The following MAP3K12 variants were observed in gnomAD, a reference collection of about 807,000 sequenced individuals.
MAP3K12 encodes mitogen-activated protein kinase kinase kinase 12.
MAP3K12 carries 14 observed loss-of-function variants against 87.5 expected under a neutral mutation model. The ratio of observed to expected loss-of-function variants is 0.16; its 90% CI spans 0.11 to 0.25. The LOEUF (loss-of-function observed/expected upper bound fraction) is 0.25. MAP3K12 is among the 10% of genes least tolerant of loss of function. The probability of loss-of-function intolerance (pLI) is 1.00; values close to 1 mark genes in which losing one functional copy is unlikely to be tolerated. For synonymous variants in MAP3K12, 469 were observed against 452.5 expected, an observed-to-expected ratio of 1.04 and a Z score of -0.46; for missense variants, 802 against 1,140.4, an observed-to-expected ratio of 0.70 and a Z score of 4.27.
chr12:53,491,070 T>C (rs561595553), intron 1 of MAP3K12, among the ~76,000 whole-genome samples: 1 of 151,518 alleles, frequency 6.6e-6, no homozygotes, highest in South Asian at 2.1e-4. Flanking sequence ...GGAGGATTGC[T>C]TGAGCTCAGG....
At chr12:53,485,675 C>T (rs893471372) in intron 4 of MAP3K12, 200 bp from the exon 5 acceptor site, 2 of 606,030 alleles carry the variant, frequency 3.3e-6, no homozygotes, top group Non-Finnish European at 5.7e-6. Flanking sequence ...CCTGCCTCAG[C>T]CTCCTGAGTA....
upstream of MAP3K12, chr12:53,500,293 C>G (rs1167693659): frequency 6.6e-6 from 1 of 152,140 alleles, no homozygotes; most frequent in Admixed American, 6.6e-5. Context: ...AAACAATGCG[C>G]GTCTGCTCAA....
chr12:53,491,287 C>CAAAAAAAAAAAAAAAAAAAA (rs780256956), intron 1 of MAP3K12, among the ~76,000 whole-genome samples: 1 of 52,858 alleles, frequency 1.9e-5, no homozygotes, highest in East Asian at 9.6e-4. Context: ...GACTCTGTCT[C>CAAAAAAAAAAAAAAAAAAAA]AAAAAAAAAA....
chr12:53,501,488 A>G, upstream of MAP3K12: 1 of 1,557,302 alleles, frequency 6.4e-7, no homozygotes, highest in Non-Finnish European at 8.7e-7. Flanking sequence ...CGATTCCTTC[A>G]GGGCGAAAAG....
chr12:53,501,325 T>A (rs1362001327), upstream of MAP3K12: 44 of 1,496,102 alleles, frequency 2.9e-5, no homozygotes, highest in Non-Finnish European at 3.8e-5. Context: ...ACTCCGGGCT[T>A]GGCCCCGGCC....
In MAP3K12 at chr12:53,483,391, T is replaced by TTGA; in HGVS notation, c.1568_1570dup (p.Ile523dup). On this transcript the variant is annotated inframe_insertion, in exon 10 of 14. Coordinates refer to ENST00000547488, the MANE Select transcript of MAP3K12 (RefSeq NM_001193511.2). ...CAGCTTCTGTGGCACATTCCTCTTC[T>TTGA]TGATAAGCTTCTCCATTGTGTTTCC... 6.2e-7 allele frequency: 1 copy of TTGA among 1,614,146 alleles called. No homozygotes were observed. The highest frequency in any genetic ancestry group is 8.5e-7 in the Non-Finnish European group (1 of 1,180,008).
chr12:53,483,239 C>CA, intron 10 of MAP3K12, 50 bp from the exon 11 acceptor site: 2 of 1,545,874 alleles, frequency 1.3e-6, no homozygotes, highest in African/African-American at 1.4e-5. Flanking sequence ...TCTATGTACT[C>CA]AAAGCACTCC....
At chr12:53,501,032 C>T, upstream of MAP3K12, 1 of 255,688 alleles carries the variant, frequency 3.9e-6, no homozygotes, top group South Asian at 5.0e-5. Context: ...TACCCAGCGG[C>T]TTCCCCTCCG....
In MAP3K12 at chr12:53,487,216, C is replaced by T; in HGVS notation, c.176G>A (p.Gly59Asp). Residue 59 changes from glycine to aspartate, a missense_variant, in exon 2 of 14, where the codon GGT becomes GAT. Gly to Asp is a moderately conservative substitution (Grantham distance 94, BLOSUM62 -1). Transcript: ENST00000547488. ...LRDVVPLGGQ[G>D]GGGPSPSPGG... ...TGGGGAGGGGCTGGGCCCTCCCCCA[C>T]CCTGCCCACCAAGGGGTACCACATC... 6.2e-7 allele frequency: 1 copy of T among 1,613,956 alleles called. No homozygotes were observed. The highest frequency in any genetic ancestry group is 8.5e-7 in the Non-Finnish European group (1 of 1,179,906).
chr12:53,486,810 A>C lies in MAP3K12; in HGVS notation c.445+137T>G, dbSNP rs570831295. 2.8e-5 allele frequency: 42 copies of C among 1,501,932 alleles called. No individual in the cohort carries two copies. In the African/African-American group the frequency reaches 5.2e-4, roughly 18 times the overall value. 93.0% of individuals were successfully genotyped at this position (1,501,932 alleles called of 1,614,324 possible). A position where few individuals can be genotyped will look rare whatever the true frequency, so the allele number is the denominator to read the frequency against. On this transcript the variant is annotated intron_variant, in intron 2 of 13. Coordinates refer to ENST00000547488, the MANE Select transcript of MAP3K12 (RefSeq NM_001193511.2). The surrounding 1 kb of genome is among the most constrained non-coding windows in gnomAD (Gnocchi z 4.9). Reference sequence around the variant, plus strand: ...TGGCCTTAAAAGAAGCTGGGAAGTTAGAGGCTGATGGATGGCTAAGGGACT... The same window carrying C: ...TGGCCTTAAAAGAAGCTGGGAAGTTCGAGGCTGATGGATGGCTAAGGGACT...
intron 1 of MAP3K12, among the ~76,000 whole-genome samples, chr12:53,493,526 T>C (rs564558082): frequency 1.3e-5 from 2 of 151,864 alleles, no homozygotes; most frequent in Admixed American, 1.3e-4. Context: ...AGCTGAGACA[T>C]ATACAGACAC....
At position 53,482,819 on chromosome 12, in the gene MAP3K12, C is replaced by G. The variant is rs1456676671; in HGVS notation, c.1984G>C (p.Ala662Pro). ...GGAGGTGGTGAGCCAGGATCCCCAG[C>G]TCCGCCTGTGGCCCCCCGGCCCCGG... ...GSRGRGATGG[A>P]GDPGSPPPAR... is the part of the protein sequence containing the mutation. The change falls in exon 11 of 14, where the codon GCT becomes CCT. Residue 662 changes from alanine (A) to proline (P), a missense_variant. Ala to Pro is a conservative substitution (Grantham distance 27, BLOSUM62 -1). Coordinates refer to ENST00000547488, the MANE Select transcript of MAP3K12 (RefSeq NM_001193511.2). 1 of 1,611,058 alleles carries G rather than the reference C, an allele frequency of 6.2e-7. No individual in the cohort carries two copies. The highest frequency in any genetic ancestry group is 1.1e-5 in the South Asian group (1 of 90,880).
At chr12:53,492,672 AAC>A (rs2137226538) in intron 1 of MAP3K12, among the ~76,000 whole-genome samples, 1 of 152,222 alleles carries the variant, frequency 6.6e-6, no homozygotes, top group Non-Finnish European at 1.5e-5. Flanking sequence ...ATTACAGACA[AAC>A]ACAGACCAAG....
At chr12:53,483,573 C>G in intron 9 of MAP3K12, 34 bp downstream of exon 9, 1 of 1,613,948 alleles carries the variant, frequency 6.2e-7, no homozygotes, top group African/African-American at 1.3e-5. Flanking sequence ...AGGCACAGCT[C>G]CAGGGCTTGG....
In MAP3K12 at chr12:53,487,067, C is replaced by T. The variant is rs1565887675; in HGVS notation, c.325G>A (p.Glu109Lys). 6 of 1,614,086 alleles carry T rather than the reference C, an allele frequency of 3.7e-6. No homozygotes were observed. Among genetic ancestry groups the T allele is most frequent in the East Asian group, 2.2e-5 (1 of 44,876 alleles). Residue 109 changes from glutamate (E) to lysine (K), a missense_variant, in exon 2 of 14, where the codon GAG (glutamate) becomes AAG (lysine). Physicochemically the swap from Glu to Lys is moderately conservative, Grantham distance 56 (BLOSUM62 1). Coordinates refer to ENST00000547488, the MANE Select transcript of MAP3K12 (RefSeq NM_001193511.2). The stretch of plus-strand genomic sequence containing the variant: ...CCACTCTGGCACTGCAGTCGCACCT[C>T]GTCAGCTCGAACTCTGGATGCCCGA... ...ESRASRVRAD[E>K]VRLQCQSGSG... is the part of the protein sequence containing the mutation.
At chr12:53,485,944 T>G (rs1943217279) in intron 4 of MAP3K12, 112 bp downstream of exon 4, 1 of 988,974 alleles carries the variant, frequency 1.0e-6, no homozygotes, top group African/African-American at 1.6e-5. Flanking sequence ...TGGAAGAGGT[T>G]TCTGAGATGG....
upstream of MAP3K12, chr12:53,499,621 C>T (rs1943634258): frequency 6.6e-6 from 1 of 151,416 alleles, no homozygotes; most frequent in African/African-American, 2.4e-5. Flanking sequence ...TTTCTGCCCC[C>T]ACCCCCCGAC....
rs61736611 is a variant in MAP3K12, at chr12:53,482,632, C to A, written c.2171G>T (p.Ser724Ile). Reference sequence around the variant, plus strand: ...GGTCAAGTGCTGGGACCCAGCCCGGCTTCCTCCCCGGCCTGAGGTCCCTTC... The same window carrying A: ...GGTCAAGTGCTGGGACCCAGCCCGGATTCCTCCCCGGCCTGAGGTCCCTTC... ...GREGTSGRGG[S>I]RAGSQHLTPA... is the part of the protein sequence containing the mutation. The change falls in exon 11 of 14, where the codon AGC (serine) becomes ATC (isoleucine). Residue 724 changes from serine (S) to isoleucine (I), a missense_variant. Ser to Ile is a moderately radical substitution (Grantham distance 142). Coordinates refer to ENST00000547488, the MANE Select transcript of MAP3K12 (RefSeq NM_001193511.2). 4.9e-5 allele frequency: 79 copies of A among 1,613,920 alleles called. No individual in the cohort carries two copies. In the African/African-American group the frequency reaches 9.7e-4, roughly 20 times the overall value.
chr12:53,497,601 C>T (rs1943569104), intron 1 of MAP3K12, among the ~76,000 whole-genome samples: 1 of 152,228 alleles, frequency 6.6e-6, no homozygotes, highest in Admixed American at 6.5e-5. Flanking sequence ...CTGGCATCAT[C>T]TCAACAGTAT....
Sources: gnomAD v4.1 joint callset for allele counts (sites outside exome capture counted in the v4.1 genomes callset) on GRCh38, gnomAD v4.1.1 for gene constraint, Gnocchi (gnomAD v3.1) non-coding constraint, MANE v1.5 for transcripts, NCBI Gene and HGNC (gene_info 2026-07-23, HGNC 2026-07-21) for gene names.